FGGY: variants seen among roughly 807,000 people sequenced by gnomAD.
The protein encoded by FGGY is FGGY carbohydrate kinase domain containing, also known as FGGY carbohydrate kinase domain-containing protein.
A neutral mutation model predicts 71.3 loss-of-function variants in FGGY; 72 were observed. The observed-to-expected ratio is 1.01, with a 90% CI of 0.84 to 1.23. The LOEUF is 1.23. FGGY is among the 50% of genes most tolerant of loss of function. The pLI is 0.00. For synonymous variants in FGGY, 251 were observed against 250.3 expected, an observed-to-expected ratio of 1.00 and a Z score of -0.02; for missense variants, 668 against 682.3, an observed-to-expected ratio of 0.98 and a Z score of 0.23.
At chr1:59,707,174 A>C (rs935506654) in intron 14 of FGGY, among the ~76,000 whole-genome samples, 5 of 152,222 alleles carry the variant, frequency 3.3e-5, no homozygotes, top group Non-Finnish European at 7.3e-5. Flanking sequence ...AGTGTGTCTC[A>C]TTTTAACTCT....
At chr1:59,573,585 T>C (rs2153737808) in intron 8 of FGGY, among the ~76,000 whole-genome samples, 1 of 152,306 alleles carries the variant, frequency 6.6e-6, no homozygotes. Flanking sequence ...TTTGTTCTAT[T>C]TTTACAACTA....
At chr1:59,561,283 T>C (rs1166902534) in intron 8 of FGGY, among the ~76,000 whole-genome samples, 1 of 152,192 alleles carries the variant, frequency 6.6e-6, no homozygotes, top group African/African-American at 2.4e-5. Context: ...CCTCTTTGTT[T>C]ACCAGGACCT....
At chr1:59,437,949 A>C (rs2068843758) in intron 5 of FGGY, among the ~76,000 whole-genome samples, 1 of 152,230 alleles carries the variant, frequency 6.6e-6, no homozygotes, top group African/African-American at 2.4e-5. Context: ...ATTATCCATA[A>C]AACTTGATGC....
intron 1 of FGGY, among the ~76,000 whole-genome samples, chr1:59,311,239 A>C (rs61788319): frequency 6.6e-6 from 1 of 151,534 alleles, no homozygotes; most frequent in East Asian, 1.9e-4. Context: ...AACAAACCTG[A>C]AATTTTTTTT....
At chr1:59,630,617 C>A (rs2096899852) in intron 10 of FGGY, among the ~76,000 whole-genome samples, 1 of 152,218 alleles carries the variant, frequency 6.6e-6, no homozygotes, top group Admixed American at 6.5e-5. Context: ...CACAAACTTA[C>A]TGAATATTTA....
intron 9 of FGGY, among the ~76,000 whole-genome samples, chr1:59,609,911 G>A (rs948378794): frequency 1.3e-5 from 2 of 152,188 alleles, no homozygotes; most frequent in African/African-American, 2.4e-5. Context: ...CTCATACTTG[G>A]ATGGGGAATC....
rs115275527 is a variant in FGGY at position 59,570,219 on chromosome 1, G to A, written c.903+15992G>A. On this transcript the variant is annotated intron_variant, in intron 8 of 15. Transcript: ENST00000303721. Reference sequence around the variant, plus strand: ...AACATGTGCCCAGGTGATTCTAATGGAAAACTTTCAAAAAAACTGCTTTAA... The same window carrying A: ...AACATGTGCCCAGGTGATTCTAATGAAAAACTTTCAAAAAAACTGCTTTAA... Among the ~76,000 whole-genome samples, 474 of 152,176 alleles carry A rather than the reference G, an allele frequency of 3.1e-3. 2 individuals carry two copies. The highest frequency in any genetic ancestry group is 0.011 in the African/African-American group (450 of 41,514).
At chr1:59,533,639 GCTGGAGAC>G (rs1399779549) in intron 7 of FGGY, among the ~76,000 whole-genome samples, 1 of 152,250 alleles carries the variant, frequency 6.6e-6, no homozygotes, top group Non-Finnish European at 1.5e-5. Flanking sequence ...CCAGCACGCA[GCTGGAGAC>G]CTGAGAACGG....
chr1:59,750,254 T>C (rs1000245171), intron 14 of FGGY, among the ~76,000 whole-genome samples: 2 of 152,138 alleles, frequency 1.3e-5, no homozygotes, highest in African/African-American at 2.4e-5. Context: ...AAGAGACCAA[T>C]TTGAGGTATG....
At chr1:59,592,379 A>G (rs553081776) in intron 8 of FGGY, among the ~76,000 whole-genome samples, 65 of 152,264 alleles carry the variant, frequency 4.3e-4, no homozygotes, top group African/African-American at 1.5e-3. Context: ...CAGTGTGGCA[A>G]TTCCTCAGGG....
At chr1:59,549,248 G>A (rs558673006) in intron 7 of FGGY, among the ~76,000 whole-genome samples, 57 of 152,294 alleles carry the variant, frequency 3.7e-4, no homozygotes, top group Non-Finnish European at 6.6e-4. Flanking sequence ...GCCAGCTTTG[G>A]CAAGAAACTC....
At chr1:59,599,642 C>G (rs6676613) in intron 8 of FGGY, among the ~76,000 whole-genome samples, 2 of 140,694 alleles carry the variant, frequency 1.4e-5, no homozygotes, top group African/African-American at 2.7e-5. Context: ...TGCAGTGAGC[C>G]GAGATTTTGC....
intron 7 of FGGY, among the ~76,000 whole-genome samples, chr1:59,520,166 A>G (rs1165837521): frequency 6.6e-6 from 1 of 152,226 alleles, no homozygotes; most frequent in Non-Finnish European, 1.5e-5. Flanking sequence ...ATTTCTCTTC[A>G]TCAATTCAGC....
At chr1:59,507,786 G>A (rs184896747) in intron 6 of FGGY, among the ~76,000 whole-genome samples, 152 of 147,914 alleles carry the variant, frequency 1.0e-3, no homozygotes, top group African/African-American at 3.5e-3. Context: ...TGCCTGCCTC[G>A]GCCTCCCAAA....
intron 10 of FGGY, among the ~76,000 whole-genome samples, chr1:59,629,286 T>TGGAATTACTAATTA (rs2096887195): frequency 6.6e-6 from 1 of 152,186 alleles, no homozygotes; most frequent in Non-Finnish European, 1.5e-5. Context: ...TTCTACTAAG[T>TGGAATTACTAATTA]GACTTACATT....
chr1:59,607,731 A>G, intron 8 of FGGY, 72 bp from the exon 9 acceptor site: 1 of 1,167,368 alleles, frequency 8.6e-7, no homozygotes, highest in Non-Finnish European at 1.3e-6. Context: ...GGTCATAGAA[A>G]TATTAGGAGG....
At chr1:59,359,700 G>A (rs182695230) in intron 4 of FGGY, among the ~76,000 whole-genome samples, 4 of 152,268 alleles carry the variant, frequency 2.6e-5, no homozygotes, top group South Asian at 2.1e-4. Flanking sequence ...GTATGGAGAG[G>A]CTATGGATTA....
intron 5 of FGGY, among the ~76,000 whole-genome samples, chr1:59,392,340 G>A (rs983038211): frequency 6.6e-6 from 1 of 152,180 alleles, no homozygotes; most frequent in Non-Finnish European, 1.5e-5. Context: ...GAGCTCTTAA[G>A]GCTTGGCGGT....
chr1:59,574,695 T>A (rs1438241958), intron 8 of FGGY, among the ~76,000 whole-genome samples: 1 of 152,224 alleles, frequency 6.6e-6, no homozygotes. Flanking sequence ...TTTAGTGATT[T>A]TTCATTGCTT....
Sources: gnomAD v4.1 joint callset for allele counts (sites outside exome capture counted in the v4.1 genomes callset) on GRCh38, gnomAD v4.1.1 for gene constraint, MANE v1.5 for transcripts, NCBI Gene and HGNC (gene_info 2026-07-23, HGNC 2026-07-21) for gene names.